Variants in PTPRD observed in about 807,000 individuals in gnomAD.
PTPRD encodes receptor-type tyrosine-protein phosphatase delta.
In PTPRD, 34 loss-of-function variants were observed where a neutral mutation model predicts 214.5. That is an observed-to-expected ratio of 0.16 (90% CI 0.12 to 0.21). The LOEUF (loss-of-function observed/expected upper bound fraction) is 0.21, where lower values mean the gene tolerates loss of function less well. PTPRD is among the 10% of genes least tolerant of loss of function. The pLI, the probability that PTPRD is intolerant of heterozygous loss-of-function variation, is 1.00. For synonymous variants in PTPRD, 1,128 were observed against 845.7 expected (o/e 1.33, Z -5.79); for missense variants, 2,545 against 2,398.7 (o/e 1.06, Z -1.27).
Position 8,633,319 on chromosome 9 carries a change from C to T in PTPRD, c.350G>A (p.Arg117Gln), listed in dbSNP as rs778130827. The T allele has an allele frequency of 1.2e-5, 19 of 1,610,826 alleles. No individual in the cohort carries two copies. Among genetic ancestry groups the T allele is most frequent in the South Asian group, 5.5e-5 (5 of 90,788 alleles). Residue 117 changes from arginine to glutamine, a missense_variant and splice_region_variant, in exon 14 of 46, where the codon CGG becomes CAG. By Grantham distance (43) the Arg-to-Gln change is conservative (BLOSUM62 1). Coordinates refer to ENST00000381196, the MANE Select transcript of PTPRD (RefSeq NM_002839.4). ...ISVSTRLTVL[R>Q]EDQIPRGFPT... ...ACAACCTTCACTTGAGCACTTACCCCGCAAAACTGTGAGTCTGGTGGATAC... is the reference window on the plus strand; with the variant it reads ...ACAACCTTCACTTGAGCACTTACCCTGCAAAACTGTGAGTCTGGTGGATAC...
chr9:8,528,423 G>C lies in PTPRD; in HGVS notation c.541+168C>G, dbSNP rs1449256728. ...AAGGAGAAAGACAGACTCTGAAACA[G>C]GCTATGACATCACAAACATGGACCA... On this transcript the variant is annotated intron_variant, in intron 15 of 45. Coordinates refer to ENST00000381196, the MANE Select transcript of PTPRD (RefSeq NM_002839.4). 5 of 693,204 alleles carry C rather than the reference G, an allele frequency of 7.2e-6. No homozygotes were observed. In the Admixed American group the frequency reaches 9.0e-5, roughly 12 times the overall value. The allele number at this position is 693,204 out of a possible 1,614,324, so 42.9% of individuals were successfully genotyped here. A position where few individuals can be genotyped will look rare whatever the true frequency, so the allele number is the denominator to read the frequency against.
intron 12 of PTPRD, among the ~76,000 whole-genome samples, chr9:8,711,891 T>A (rs564397801): frequency 1.3e-5 from 2 of 152,332 alleles, no homozygotes; most frequent in African/African-American, 4.8e-5. Context: ...ATCTATTGAT[T>A]TATGCAACAA....
chr9:10,258,170 G>A (rs1439718020), intron 3 of PTPRD, among the ~76,000 whole-genome samples: 1 of 152,192 alleles, frequency 6.6e-6, no homozygotes, highest in Non-Finnish European at 1.5e-5. Context: ...GTCTAAACTA[G>A]TTGTAGTTGG....
rs553593613 is a variant in PTPRD, at chr9:9,727,177, C to T, written c.-287+7356G>A. Among the ~76,000 whole-genome samples the T allele has an allele frequency of 5.3e-5, 8 of 152,040 alleles. No individual in the cohort carries two copies. The South Asian group carries it at 6.2e-4, about 12-fold the overall frequency. On this transcript the variant is annotated intron_variant, in intron 7 of 45. Coordinates refer to ENST00000381196, the MANE Select transcript of PTPRD (RefSeq NM_002839.4). ...AATCACTATATAAATTATTCTTGGC[C>T]GGGCGTGGTGGCTCACACCTATAAT... is the stretch of plus-strand genomic sequence containing the variant.
chr9:9,350,731 T>C (rs2138142685), intron 9 of PTPRD, among the ~76,000 whole-genome samples: 1 of 152,154 alleles, frequency 6.6e-6, no homozygotes, highest in South Asian at 2.1e-4. Flanking sequence ...ATTGAAAATA[T>C]CAAATTTGAA....
At chr9:9,529,838 C>T (rs995269588) in intron 8 of PTPRD, among the ~76,000 whole-genome samples, 2 of 151,234 alleles carry the variant, frequency 1.3e-5, no homozygotes, top group African/African-American at 4.9e-5. Context: ...AATATATTTA[C>T]ACACACTATA....
At chr9:10,148,442 G>A (rs1282945124) in intron 3 of PTPRD, among the ~76,000 whole-genome samples, 3 of 152,046 alleles carry the variant, frequency 2.0e-5, no homozygotes, top group African/African-American at 4.8e-5. Context: ...GAAAGAAATA[G>A]AACTTCATCT....
At chr9:10,190,718 CAAAAAAAAAAA>C (rs57891244) in intron 3 of PTPRD, among the ~76,000 whole-genome samples, 18 of 44,214 alleles carry the variant, frequency 4.1e-4, no homozygotes, top group African/African-American at 1.4e-3. Context: ...AACTCTGTCT[CAAAAAAAAAAA>C]AAAAAAAAAA....
rs78552858 is a variant in PTPRD at position 8,926,776 on chromosome 9, C to T, written c.-104+91921G>A. Among the ~76,000 whole-genome samples, 2,859 of 152,302 alleles carry T rather than the reference C, an allele frequency of 0.019. 163 individuals carry two copies. In the East Asian group the frequency reaches 0.19, roughly 10 times the overall value. ...CTGTGCACTTACTGAGTGATCTCTT[C>T]TTGATAATTCTTTCTGAAAACATCT... is the stretch of plus-strand genomic sequence containing the variant. On this transcript the variant is annotated intron_variant, in intron 11 of 45. Transcript: ENST00000381196.
chr9:10,567,424 A>T (rs2065965139), intron 2 of PTPRD, among the ~76,000 whole-genome samples: 1 of 152,100 alleles, frequency 6.6e-6, no homozygotes, highest in Non-Finnish European at 1.5e-5. Flanking sequence ...TCCTTAAGTG[A>T]TAAGTTTTCA....
At position 10,503,042 on chromosome 9, in the gene PTPRD, A is replaced by C. The variant is rs1016537946; in HGVS notation, c.-600+109356T>G. Among the ~76,000 whole-genome samples, 6 of 151,958 alleles carry C rather than the reference A, an allele frequency of 3.9e-5. No homozygotes were observed. The East Asian group carries it at 9.7e-4, about 25-fold the overall frequency. ...TCATTGATAATCCTTGTTTTCCTTT[A>C]GAATGTCAATTTTCTTTTTGAACTA... On this transcript the variant is annotated intron_variant, in intron 2 of 45. Transcript: ENST00000381196.
At chr9:9,520,070 C>A (rs1479124364) in intron 8 of PTPRD, among the ~76,000 whole-genome samples, 1 of 151,762 alleles carries the variant, frequency 6.6e-6, no homozygotes, top group Non-Finnish European at 1.5e-5. Flanking sequence ...AATATTGGAA[C>A]TTTTTTCAAG....
chr9:8,605,702 G>T (rs1004956695), intron 14 of PTPRD, among the ~76,000 whole-genome samples: 24 of 152,232 alleles, frequency 1.6e-4, no homozygotes, highest in African/African-American at 5.5e-4. Context: ...TGCACATGAT[G>T]TGACATCAGT....
chr9:9,438,261 C>G (rs939684263), intron 8 of PTPRD, among the ~76,000 whole-genome samples: 5 of 152,080 alleles, frequency 3.3e-5, no homozygotes, highest in Non-Finnish European at 4.4e-5. Context: ...AACCTATAGC[C>G]AGTGCCTACA....
At chr9:8,539,337 C>A (rs1348509749) in intron 14 of PTPRD, among the ~76,000 whole-genome samples, 2 of 151,760 alleles carry the variant, frequency 1.3e-5, no homozygotes, top group African/African-American at 4.8e-5. Context: ...CAATTAGAAA[C>A]CAAAAATGAT....
intron 5 of PTPRD, among the ~76,000 whole-genome samples, chr9:9,838,983 A>G (rs1054231184): frequency 1.3e-5 from 2 of 152,088 alleles, no homozygotes; most frequent in Non-Finnish European, 2.9e-5. Flanking sequence ...CTTTCTACAT[A>G]TGGCTAGCCA....
chr9:8,795,369 G>A (rs530313910), intron 11 of PTPRD, among the ~76,000 whole-genome samples: 2 of 151,970 alleles, frequency 1.3e-5, no homozygotes, highest in Non-Finnish European at 2.9e-5. Context: ...GTTTCACCAC[G>A]GTTGGCCATG....
intron 9 of PTPRD, among the ~76,000 whole-genome samples, chr9:9,242,244 G>A (rs1188089201): frequency 1.3e-5 from 2 of 152,154 alleles, no homozygotes; most frequent in Admixed American, 1.3e-4. Context: ...CCCTTTGTGA[G>A]TAACCCGACC....
At chr9:9,502,378 C>T (rs149690022) in intron 8 of PTPRD, among the ~76,000 whole-genome samples, 22 of 151,860 alleles carry the variant, frequency 1.4e-4, no homozygotes, top group Non-Finnish European at 3.1e-4. Context: ...GATTATCTTT[C>T]TGTATCTGGT....
Sources: gnomAD v4.1 joint callset for allele counts (sites outside exome capture counted in the v4.1 genomes callset) on GRCh38, gnomAD v4.1.1 for gene constraint, MANE v1.5 for transcripts, NCBI Gene and HGNC (gene_info 2026-07-23, HGNC 2026-07-21) for gene names.